The following CMTM4 variants were observed in gnomAD, a reference collection of about 807,000 sequenced individuals.
CMTM4 encodes CKLF like MARVEL transmembrane domain containing 4, also known as CKLF-like MARVEL transmembrane domain-containing protein 4.
CMTM4 carries 8 observed loss-of-function variants against 19.0 expected under a neutral mutation model. That is an observed-to-expected ratio of 0.42 (90% CI 0.25 to 0.76). The LOEUF is 0.76. CMTM4 is among the 30% of genes least tolerant of loss of function. The pLI is 0.27. For missense variants in CMTM4, 228 were observed against 290.2 expected, an observed-to-expected ratio of 0.79 and a Z score of 1.56; for synonymous variants, 106 against 121.1, an observed-to-expected ratio of 0.88 and a Z score of 0.82.
intron 1 of CMTM4, among the ~76,000 whole-genome samples, chr16:66,663,717 AT>A (rs1285360195): frequency 1.2e-4 from 18 of 151,352 alleles, no homozygotes; most frequent in African/African-American, 3.6e-4. Context: ...TAATTTTTGT[AT>A]TTTTAGTAAA....
At chr16:66,694,271 G>A (rs568295404) in intron 1 of CMTM4, among the ~76,000 whole-genome samples, 85 of 152,070 alleles carry the variant, frequency 5.6e-4, no homozygotes, top group African/African-American at 1.9e-3. Context: ...TCCTTTTAGG[G>A]ACAAGTTCTA....
intron 1 of CMTM4, among the ~76,000 whole-genome samples, chr16:66,681,719 T>C (rs1218389663): frequency 6.6e-6 from 1 of 152,174 alleles, no homozygotes; most frequent in Non-Finnish European, 1.5e-5. Context: ...CCCATCTCTT[T>C]TAGAAAAATC....
At chr16:66,680,261 T>C (rs1371033746) in intron 1 of CMTM4, among the ~76,000 whole-genome samples, 1 of 150,852 alleles carries the variant, frequency 6.6e-6, no homozygotes, top group Non-Finnish European at 1.5e-5. Context: ...TATGGATCAC[T>C]TGAGGCCAGG....
chr16:66,609,118 G>A, the CMTM4 span, among the ~76,000 whole-genome samples: 4 of 152,070 alleles, frequency 2.6e-5, no homozygotes, highest in African/African-American at 7.2e-5. The surrounding 1 kb of genome is among the most constrained non-coding windows in gnomAD (Gnocchi z 4.4). Context: ...GAGCGGGAAG[G>A]GAGCAGGTGG....
chr16:66,617,493 A>G lies in CMTM4; in HGVS notation c.*4565T>C, dbSNP rs2144771291. 6 of 1,426,442 alleles carry G rather than the reference A, an allele frequency of 4.2e-6. No individual in the cohort carries two copies. The highest frequency in any genetic ancestry group is 2.7e-6 in the Non-Finnish European group (3 of 1,093,636). 88.4% of individuals were successfully genotyped at this position (1,426,442 alleles called of 1,614,324 possible). ...CTAAAGAGTGTACAAAATGCCACTC[A>G]CTTGCATGAAGAAGAATTAAACAGA... On this transcript the variant is annotated 3_prime_UTR_variant, in exon 4 of 4. Transcript: ENST00000394106.
intron 1 of CMTM4, among the ~76,000 whole-genome samples, chr16:66,653,482 A>AC (rs1326411332): frequency 6.6e-6 from 1 of 151,742 alleles, no homozygotes; most frequent in African/African-American, 2.4e-5. Context: ...CAAACCTATG[A>AC]CCCCCAGGGC....
intron 1 of CMTM4, among the ~76,000 whole-genome samples, chr16:66,653,993 G>A (rs536795176): frequency 1.2e-3 from 184 of 151,976 alleles, no homozygotes; most frequent in Non-Finnish European, 2.1e-3. Context: ...CACCTGCCTC[G>A]GCCTCTGAAA....
rs1227385611 is a variant in CMTM4 at position 66,619,544 on chromosome 16, G to C, written c.*2514C>G. On this transcript the variant is annotated 3_prime_UTR_variant, in exon 4 of 4. Coordinates refer to ENST00000394106, the MANE Select transcript of CMTM4 (RefSeq NM_181521.3). Reference sequence around the variant, plus strand: ...AAACGCTTCCTTCAATTTGCCAAGAGGTCATTTTAAGGCCCCCAGATATCG... The same window carrying C: ...AAACGCTTCCTTCAATTTGCCAAGACGTCATTTTAAGGCCCCCAGATATCG... 1.0e-6 allele frequency: 1 copy of C among 985,194 alleles called. No homozygotes were observed. The highest frequency in any genetic ancestry group is 1.2e-6 in the Non-Finnish European group (1 of 829,934). 61.0% of individuals were successfully genotyped at this position (985,194 alleles called of 1,614,324 possible). A position where few individuals can be genotyped will look rare whatever the true frequency, so the allele number is the denominator to read the frequency against.
At position 66,621,066 on chromosome 16, in the gene CMTM4, C is replaced by T. The variant is rs2015624387; in HGVS notation, c.*992G>A. On this transcript the variant is annotated 3_prime_UTR_variant, in exon 4 of 4. Coordinates refer to ENST00000394106, the MANE Select transcript of CMTM4 (RefSeq NM_181521.3). ...GGTGCAAATTCAAGTATTTTCAAAT[C>T]CTAGACGAATCTGCTCAGAATCATT... The T allele has an allele frequency of 3.0e-6, 3 of 985,862 alleles. No individual in the cohort carries two copies. The highest frequency in any genetic ancestry group is 3.6e-6 in the Non-Finnish European group (3 of 829,940). The allele number at this position is 985,862 out of a possible 1,614,324, so 61.1% of individuals were successfully genotyped here. A position where few individuals can be genotyped will look rare whatever the true frequency, so the allele number is the denominator to read the frequency against.
chr16:66,662,201 C>T (rs1328587089), intron 1 of CMTM4, among the ~76,000 whole-genome samples: 1 of 152,208 alleles, frequency 6.6e-6, no homozygotes, highest in East Asian at 1.9e-4. Flanking sequence ...ATGCTGCTAT[C>T]AAACTGGAAA....
chr16:66,617,557 G>A lies in CMTM4; in HGVS notation c.*4501C>T. On this transcript the variant is annotated 3_prime_UTR_variant, in exon 4 of 4. Coordinates refer to ENST00000394106, the MANE Select transcript of CMTM4 (RefSeq NM_181521.3). ...GAAGAAAATTTTTCTAGACCTAACA[G>A]ATATTGACGGTATTTTCTCTCACAG... The A allele has an allele frequency of 7.5e-7, 1 of 1,332,488 alleles. No homozygotes were observed. The highest frequency in any genetic ancestry group is 9.6e-7 in the Non-Finnish European group (1 of 1,041,454). The allele number at this position is 1,332,488 out of a possible 1,614,324, so 82.5% of individuals were successfully genotyped here. A position where few individuals can be genotyped will look rare whatever the true frequency, so the allele number is the denominator to read the frequency against.
intron 1 of CMTM4, among the ~76,000 whole-genome samples, chr16:66,677,660 C>A (rs1277536402): frequency 6.6e-6 from 1 of 152,124 alleles, no homozygotes; most frequent in African/African-American, 2.4e-5. Context: ...CCTTAAAGGC[C>A]AAGCTGAGGC....
At chr16:66,645,909 G>A (rs1005674329) in intron 1 of CMTM4, among the ~76,000 whole-genome samples, 1 of 152,098 alleles carries the variant, frequency 6.6e-6, no homozygotes, top group Admixed American at 6.6e-5. Flanking sequence ...AACCCAGGAA[G>A]TGGAGGTCAC....
At chr16:66,651,118 C>G (rs1041434547) in intron 1 of CMTM4, among the ~76,000 whole-genome samples, 1 of 152,138 alleles carries the variant, frequency 6.6e-6, no homozygotes, top group Non-Finnish European at 1.5e-5. Flanking sequence ...AACAGAGAAT[C>G]CAGAGGGGGC....
intron 1 of CMTM4, among the ~76,000 whole-genome samples, chr16:66,665,268 A>C (rs918078811): frequency 9.4e-5 from 13 of 137,912 alleles, no homozygotes; most frequent in African/African-American, 3.7e-4. Flanking sequence ...TTCTTAAAAA[A>C]AAAAAAAAAA....
At chr16:66,690,341 C>G (rs1050456610) in intron 1 of CMTM4, among the ~76,000 whole-genome samples, 2 of 152,194 alleles carry the variant, frequency 1.3e-5, no homozygotes, top group African/African-American at 4.8e-5. Context: ...CCAGCTCTTA[C>G]GAATCAGGAA....
At chr16:66,625,735 A>G (rs1276532726) in intron 2 of CMTM4, among the ~76,000 whole-genome samples, 1 of 152,260 alleles carries the variant, frequency 6.6e-6, no homozygotes, top group Non-Finnish European at 1.5e-5. Context: ...CCACTGAATC[A>G]TATTTAAATA....
the CMTM4 span, chr16:66,604,678 G>A: frequency 1.2e-5 from 8 of 689,744 alleles, no homozygotes. Context: ...GGGCGTGGCG[G>A]CGGGGGATGC....
At chr16:66,683,549 C>G (rs779391425) in intron 1 of CMTM4, among the ~76,000 whole-genome samples, 3 of 151,680 alleles carry the variant, frequency 2.0e-5, no homozygotes, top group Non-Finnish European at 4.4e-5. Flanking sequence ...CCTCGGTCTC[C>G]CAAAGTGCTG....
Sources: allele counts gnomAD v4.1 joint callset (sites outside exome capture counted in the v4.1 genomes callset), GRCh38; gene constraint gnomAD v4.1.1; non-coding constraint Gnocchi (gnomAD v3.1); transcripts MANE v1.5; gene names NCBI Gene and HGNC (gene_info 2026-07-23, HGNC 2026-07-21).